Variants in PPIL1 observed in about 807,000 individuals in gnomAD.
PPIL1 encodes the protein peptidyl-prolyl cis-trans isomerase-like 1.
In PPIL1, 14 loss-of-function variants were observed where a neutral mutation model predicts 19.4. That is an observed-to-expected ratio of 0.72 (90% CI 0.48 to 1.13). The LOEUF (loss-of-function observed/expected upper bound fraction) is 1.13. Among genes scored for constraint, PPIL1 ranks in the 50% most tolerant of loss-of-function variants. PPIL1 has a pLI of 0.00. For synonymous variants in PPIL1, 72 were observed against 73.6 expected, an observed-to-expected ratio of 0.98 and a Z score of 0.11; for missense variants, 192 against 218.0, an observed-to-expected ratio of 0.88 and a Z score of 0.75.
intron 2 of PPIL1, among the ~76,000 whole-genome samples, chr6:36,864,720 A>AC (rs1774361605): frequency 6.6e-6 from 1 of 152,008 alleles, no homozygotes; most frequent in African/African-American, 2.4e-5. Context: ...ACAGGACAGC[A>AC]CCCCCTCCAA....
intron 2 of PPIL1, among the ~76,000 whole-genome samples, chr6:36,864,572 A>G (rs1170557481): frequency 6.6e-6 from 1 of 152,078 alleles, no homozygotes; most frequent in Non-Finnish European, 1.5e-5. Context: ...CCTCTAGCCT[A>G]GTGGTTCTCA....
At chr6:36,869,072 A>G (rs1384308383) in intron 2 of PPIL1, among the ~76,000 whole-genome samples, 1 of 151,500 alleles carries the variant, frequency 6.6e-6, no homozygotes, top group African/African-American at 2.4e-5. Context: ...TGCAGTCTCA[A>G]CCTCCCAGGT....
intron 1 of PPIL1, 135 bp downstream of exon 1, chr6:36,874,582 G>T (rs1031506611): frequency 2.5e-6 from 3 of 1,202,022 alleles, no homozygotes; most frequent in Non-Finnish European, 3.6e-6. Context: ...CCCTCTGGGG[G>T]CCGTCTCGGC....
chr6:36,872,304 G>A (rs1323425170), intron 1 of PPIL1, among the ~76,000 whole-genome samples: 1 of 152,046 alleles, frequency 6.6e-6, no homozygotes, highest in Non-Finnish European at 1.5e-5. Flanking sequence ...CTGGGTGGGG[G>A]TAGGGACTGG....
intron 2 of PPIL1, among the ~76,000 whole-genome samples, chr6:36,859,473 G>A (rs1279855794): frequency 6.6e-6 from 1 of 150,884 alleles, no homozygotes; most frequent in Non-Finnish European, 1.5e-5. Context: ...GGAATCAGAG[G>A]ATACAGGAGG....
intron 2 of PPIL1, among the ~76,000 whole-genome samples, chr6:36,870,246 T>G (rs936005300): frequency 6.6e-6 from 1 of 152,146 alleles, no homozygotes; most frequent in African/African-American, 2.4e-5. Context: ...GAGCAGAAAT[T>G]AGCAGAGAAG....
chr6:36,859,764 G>A (rs1774241577), intron 2 of PPIL1, among the ~76,000 whole-genome samples: 2 of 151,666 alleles, frequency 1.3e-5, no homozygotes, highest in South Asian at 4.2e-4. Flanking sequence ...CAGGTTCTGT[G>A]CCTGGTCTAG....
rs779823888 is a variant in PPIL1, at chr6:36,856,037, G to A, written c.281-4C>T. ...GCCATTGCGAGAATTCCAGCCCCTG[G>A]TGGGAAAAAGGAAGAAAGGAAAGAG... On this transcript the variant is annotated splice_region_variant and splice_polypyrimidine_tract_variant and intron_variant, in intron 3 of 3. Transcript: ENST00000373699. 10 of 1,613,508 alleles carry A rather than the reference G, an allele frequency of 6.2e-6. No homozygotes were observed. In the East Asian group the frequency reaches 1.8e-4, roughly 29 times the overall value.
chr6:36,860,560 C>T (rs1467645822), intron 2 of PPIL1, among the ~76,000 whole-genome samples: 1 of 152,096 alleles, frequency 6.6e-6, no homozygotes, highest in Middle Eastern at 3.4e-3. Flanking sequence ...TATCTATGAC[C>T]ACCTCCGCCC....
At chr6:36,863,495 C>G (rs536955460) in intron 2 of PPIL1, among the ~76,000 whole-genome samples, 3 of 152,206 alleles carry the variant, frequency 2.0e-5, no homozygotes, top group Non-Finnish European at 4.4e-5. Context: ...CAACCTCCCC[C>G]TCTAGTAGAC....
intron 2 of PPIL1, among the ~76,000 whole-genome samples, chr6:36,857,900 C>A (rs1422829526): frequency 3.3e-5 from 5 of 152,066 alleles, no homozygotes; most frequent in Non-Finnish European, 5.9e-5. Context: ...GGGCTGGATA[C>A]CCTAAGCTCA....
chr6:36,874,539 G>A (rs1300683843), intron 1 of PPIL1, among the ~76,000 whole-genome samples, 178 bp downstream of exon 1: 1 of 152,254 alleles, frequency 6.6e-6, no homozygotes, highest in African/African-American at 2.4e-5. Context: ...ACCCCGCGGA[G>A]CTTGGACGCG....
chr6:36,867,034 G>A (rs895361658), intron 2 of PPIL1, among the ~76,000 whole-genome samples: 3 of 152,186 alleles, frequency 2.0e-5, no homozygotes, highest in Non-Finnish European at 4.4e-5. Flanking sequence ...TTTCCACTTA[G>A]CACCTTCTCC....
At chr6:36,861,664 CTTCT>C (rs1405263686) in intron 2 of PPIL1, among the ~76,000 whole-genome samples, 1 of 148,034 alleles carries the variant, frequency 6.8e-6, no homozygotes, top group East Asian at 2.0e-4. Flanking sequence ...TCTTAACCTT[CTTCT>C]TTATGATCTG....
chr6:36,873,302 C>T (rs1417722596), intron 1 of PPIL1, among the ~76,000 whole-genome samples: 2 of 149,368 alleles, frequency 1.3e-5, no homozygotes, highest in Non-Finnish European at 1.5e-5. Flanking sequence ...TTGTCATAGC[C>T]AAAAAAAAAG....
At chr6:36,857,319 G>A (rs16889199) in intron 2 of PPIL1, among the ~76,000 whole-genome samples, 25,526 of 152,192 alleles carry the variant, frequency 0.17, 2,389 homozygotes, top group African/African-American at 0.23. Context: ...GGGACATTAC[G>A]GTCGGCAGAG....
intron 2 of PPIL1, among the ~76,000 whole-genome samples, chr6:36,865,407 T>C (rs1774373706): frequency 6.6e-6 from 1 of 152,120 alleles, no homozygotes; most frequent in African/African-American, 2.4e-5. Context: ...ATCTGTAAAT[T>C]TTACAGGGGC....
At chr6:36,868,360 C>T (rs1376173777) in intron 2 of PPIL1, among the ~76,000 whole-genome samples, 1 of 152,068 alleles carries the variant, frequency 6.6e-6, no homozygotes, top group Non-Finnish European at 1.5e-5. Context: ...AATCCTATCA[C>T]ACAATCAAAA....
chr6:36,864,312 C>A (rs189109748), intron 2 of PPIL1, among the ~76,000 whole-genome samples: 2 of 152,188 alleles, frequency 1.3e-5, no homozygotes, highest in Admixed American at 6.5e-5. Context: ...TACAACACCC[C>A]CCACGATTGG....
Sources: gnomAD v4.1 joint callset for allele counts (sites outside exome capture counted in the v4.1 genomes callset) on GRCh38, gnomAD v4.1.1 for gene constraint, MANE v1.5 for transcripts, NCBI Gene and HGNC (gene_info 2026-07-23, HGNC 2026-07-21) for gene names.